Variants in VPS13A observed in about 807,000 individuals in gnomAD.
VPS13A encodes the protein intermembrane lipid transfer protein VPS13A.
VPS13A carries 264 observed loss-of-function variants against 390.9 expected under a neutral mutation model. That is an observed-to-expected ratio of 0.68 (90% CI 0.61 to 0.75). VPS13A has a LOEUF of 0.75. Among genes scored for constraint, VPS13A ranks in the 30% least tolerant of loss-of-function variants. VPS13A has a pLI of 0.00. For missense variants in VPS13A, 3,409 were observed against 3,733.9 expected (o/e 0.91, Z 2.27); for synonymous variants, 1,231 against 1,227.1 (o/e 1.00, Z -0.07).
chr9:77,261,026 T>C (rs1054803375), intron 23 of VPS13A, among the ~76,000 whole-genome samples: 5 of 151,654 alleles, frequency 3.3e-5, no homozygotes, highest in African/African-American at 1.2e-4. Context: ...GCCTCCTGAG[T>C]GGCTGGGATT....
At chr9:77,202,936 G>A (rs537422738) in intron 3 of VPS13A, among the ~76,000 whole-genome samples, 11 of 152,272 alleles carry the variant, frequency 7.2e-5, no homozygotes, top group Non-Finnish European at 1.2e-4. Flanking sequence ...TTGAGAAGAA[G>A]TGGGTTTAAT....
chr9:77,366,705 A>G (rs774814358), intron 60 of VPS13A, 22 bp from the exon 61 acceptor site: 1 of 1,583,334 alleles, frequency 6.3e-7, no homozygotes, highest in South Asian at 1.1e-5. Flanking sequence ...ACTTTTAAAT[A>G]TTTATCTCTT....
Position 77,344,133 on chromosome 9 carries a change from A to G in VPS13A, c.7027-20A>G, listed in dbSNP as rs1806845459. ...GTGAAATCTGTTTATTTTTATAAAC[A>G]TATATAATGTATATTTTAGTGTATC... On this transcript the variant is annotated intron_variant, in intron 50 of 71. Coordinates refer to ENST00000360280, the MANE Select transcript of VPS13A (RefSeq NM_033305.3). The G allele has an allele frequency of 1.9e-6, 3 of 1,540,660 alleles. No individual in the cohort carries two copies. Among genetic ancestry groups the G allele is most frequent in the Non-Finnish European group, 2.7e-6 (3 of 1,117,108 alleles).
chr9:77,242,149 G>A (rs533156205), intron 19 of VPS13A, among the ~76,000 whole-genome samples: 3 of 152,052 alleles, frequency 2.0e-5, no homozygotes, highest in Non-Finnish European at 4.4e-5. Context: ...CATTTTGGTG[G>A]CTATAAAACC....
chr9:77,223,554 G>A lies in VPS13A; in HGVS notation c.1161+2198G>A, dbSNP rs1823339788. The stretch of plus-strand genomic sequence containing the variant: ...GGAGAGTGTTCTAGTGGTCTAGATA[G>A]ATGAAATCAGCTACAGCATTCCTCT... On this transcript the variant is annotated intron_variant, in intron 13 of 71. Coordinates refer to ENST00000360280, the MANE Select transcript of VPS13A (RefSeq NM_033305.3). 2.0e-5 allele frequency among the ~76,000 whole-genome samples: 3 copies of A among 152,140 alleles called. No individual in the cohort carries two copies. In the South Asian group the frequency reaches 6.2e-4, roughly 32 times the overall value.
chr9:77,369,519 C>T (rs895530959), intron 63 of VPS13A, 107 bp downstream of exon 63: 1 of 806,316 alleles, frequency 1.2e-6, no homozygotes, highest in Non-Finnish European at 2.2e-6. Context: ...GATTTTGGAA[C>T]ACACACAAAA....
rs758161912 is a variant in VPS13A at position 77,295,804 on chromosome 9, T to C, written c.3770T>C (p.Ile1257Thr). ...TESQSSPPPV[I>T]DLITIKLSEM... Reference sequence around the variant, plus strand: ...AGCCAGAGCTCTCCCCCACCTGTTATTGATTTGATAACAATAAAGCTGAGT... The same window carrying C: ...AGCCAGAGCTCTCCCCCACCTGTTACTGATTTGATAACAATAAAGCTGAGT... The change falls in exon 33 of 72, where the codon ATT (isoleucine) becomes ACT (threonine). Residue 1257 changes from isoleucine to threonine, a missense_variant. This residue lies in a region of VPS13A where 2,717 missense variants were observed against 2,917.4 expected (regional missense o/e 0.93). Transcript: ENST00000360280. 1.4e-5 allele frequency: 23 copies of C among 1,613,898 alleles called. No individual in the cohort carries two copies. Among genetic ancestry groups the C allele is most frequent in the Non-Finnish European group, 1.8e-5 (21 of 1,179,940 alleles).
At position 77,252,311 on chromosome 9, in the gene VPS13A, ACTGT is replaced by A. The variant is rs1825188053; in HGVS notation, c.2250_2253del (p.Ser751ArgfsTer8). On this transcript the variant is annotated frameshift_variant, in exon 22 of 72. Transcript: ENST00000360280. LOFTEE classifies it high-confidence loss of function. ...TGGTACCCATGCACTTCAATTTGGA[ACTGT>A]CTAAGGCCATGGTTTTCATGGATGT... 1 of 1,613,964 alleles carries A rather than the reference ACTGT, an allele frequency of 6.2e-7. No individual in the cohort carries two copies. Among genetic ancestry groups the A allele is most frequent in the Non-Finnish European group, 8.5e-7 (1 of 1,179,914 alleles).
intron 62 of VPS13A, among the ~76,000 whole-genome samples, chr9:77,368,478 T>C (rs1832564714): frequency 6.6e-6 from 1 of 152,238 alleles, no homozygotes; most frequent in African/African-American, 2.4e-5. Flanking sequence ...GGGATATTTT[T>C]AGTGTAACTA....
At chr9:77,408,448 G>T (rs1194259918) in intron 71 of VPS13A, among the ~76,000 whole-genome samples, 1 of 152,212 alleles carries the variant, frequency 6.6e-6, no homozygotes, top group East Asian at 1.9e-4. Flanking sequence ...GTGGGTGCAG[G>T]ACAGTGGGTG....
chr9:77,405,574 A>G (rs1405930172), intron 69 of VPS13A, among the ~76,000 whole-genome samples: 1 of 151,994 alleles, frequency 6.6e-6, no homozygotes, highest in Non-Finnish European at 1.5e-5. Context: ...TGTTCAAAAT[A>G]TTTTCTAATT....
At position 77,276,076 on chromosome 9, in the gene VPS13A, G is replaced by A. The variant is rs1826649688; in HGVS notation, c.2679G>A (p.Glu893=). ...TCTTTCTTCTCCAGGTTTTGATCGAGTTTTATCACCTTGTTGGAGATTGTG... is the reference window on the plus strand; with the variant it reads ...TCTTTCTTCTCCAGGTTTTGATCGAATTTTATCACCTTGTTGGAGATTGTG... ...IRFEVPKVLI[E]FYHLVGDCEL... The change falls in exon 26 of 72, where the codon GAG becomes GAA. Residue 893 remains glutamate (E), a synonymous_variant. Transcript: ENST00000360280. 1 of 1,612,226 alleles carries A rather than the reference G, an allele frequency of 6.2e-7. No homozygotes were observed. Among genetic ancestry groups the A allele is most frequent in the East Asian group, 2.2e-5 (1 of 44,748 alleles).
intron 54 of VPS13A, among the ~76,000 whole-genome samples, chr9:77,355,109 AT>A (rs1831696408): frequency 6.6e-6 from 1 of 152,124 alleles, no homozygotes; most frequent in Non-Finnish European, 1.5e-5. Flanking sequence ...CTTTGCATTT[AT>A]AACCAAACAC....
chr9:77,219,826 G>T, intron 10 of VPS13A, 128 bp from the exon 11 acceptor site: 1 of 926,446 alleles, frequency 1.1e-6, no homozygotes, highest in Non-Finnish European at 1.7e-6. Context: ...CCATGGCAGT[G>T]TGAACATCTG....
chr9:77,303,044 T>G lies in VPS13A; in HGVS notation c.3942T>G (p.Ala1314=). ...YQEVPCFNVN[A]QLKPMEFILS... is the part of the protein sequence containing the mutation. Reference sequence around the variant, plus strand: ...AAGTTCCTTGTTTTAATGTAAATGCTCAGCTGAAACCAATGGAGGTAACTT... The same window carrying G: ...AAGTTCCTTGTTTTAATGTAAATGCGCAGCTGAAACCAATGGAGGTAACTT... The change falls in exon 34 of 72, where the codon GCT becomes GCG. Residue 1314 remains alanine, a synonymous_variant. Coordinates refer to ENST00000360280, the MANE Select transcript of VPS13A (RefSeq NM_033305.3). 9 of 1,614,024 alleles carry G rather than the reference T, an allele frequency of 5.6e-6. No homozygotes were observed. Among genetic ancestry groups the G allele is most frequent in the Non-Finnish European group, 6.8e-6 (8 of 1,179,962 alleles).
chr9:77,373,916 C>G (rs1407176998), intron 67 of VPS13A, among the ~76,000 whole-genome samples: 1 of 152,186 alleles, frequency 6.6e-6, no homozygotes, highest in Non-Finnish European at 1.5e-5. Flanking sequence ...TGCATTGTTT[C>G]AACTTTATGA....
chr9:77,293,473 G>T lies in VPS13A; in HGVS notation c.3472G>T (p.Val1158Leu), dbSNP rs771734690. 6.3e-7 allele frequency: 1 copy of T among 1,596,014 alleles called. No individual in the cohort carries two copies. The highest frequency in any genetic ancestry group is 1.2e-5 in the South Asian group (1 of 85,966). The change falls in exon 32 of 72, where the codon GTA (valine) becomes TTA (leucine). Residue 1158 changes from valine to leucine, a missense_variant. Around this residue, in one of 5 missense-constraint regions of VPS13A, gnomAD observed 2,717 missense variants for 2,917.4 expected, o/e 0.93. Coordinates refer to ENST00000360280, the MANE Select transcript of VPS13A (RefSeq NM_033305.3). ...QVNLIVGCIE[V>L]VFVTKFLYSI... ...TAATTTAATAGTTGGTTGCATTGAA[G>T]TAGTTTTTGTCACGAAATTTCTATA... is the stretch of plus-strand genomic sequence containing the variant.
intron 46 of VPS13A, among the ~76,000 whole-genome samples, chr9:77,333,426 ATTTTTTTT>A (rs34369162): frequency 9.3e-6 from 1 of 107,668 alleles, no homozygotes; most frequent in Non-Finnish European, 1.8e-5. Flanking sequence ...CTCATTAGGC[ATTTTTTTT>A]TTTTTTTTTT....
At chr9:77,344,892 T>C in intron 51 of VPS13A, 117 bp from the exon 52 acceptor site, 1 of 1,152,370 alleles carries the variant, frequency 8.7e-7, no homozygotes, top group Admixed American at 1.9e-5. Context: ...TGAATTGTTT[T>C]CTCAGTCATC....
Sources: gnomAD v4.1 joint callset for allele counts (sites outside exome capture counted in the v4.1 genomes callset) on GRCh38, gnomAD v4.1.1 for gene constraint, gnomAD v4.1.1 regional missense constraint, MANE v1.5 for transcripts, NCBI Gene and HGNC (gene_info 2026-07-23, HGNC 2026-07-21) for gene names.